Variants in PTCHD4 observed in about 807,000 individuals in gnomAD.
PTCHD4 encodes the protein patched domain-containing protein 4.
PTCHD4 carries 33 observed loss-of-function variants against 58.1 expected under a neutral mutation model. The ratio of observed to expected loss-of-function variants is 0.57; its 90% CI spans 0.43 to 0.76. The LOEUF (loss-of-function observed/expected upper bound fraction) is 0.76, where lower values mean the gene tolerates loss of function less well. Among genes scored for constraint, PTCHD4 ranks in the 30% least tolerant of loss-of-function variants. PTCHD4 has a pLI of 0.00. For missense variants in PTCHD4, 1,058 were observed against 1,027.1 expected (o/e 1.03, Z -0.41); for synonymous variants, 478 against 409.6 (o/e 1.17, Z -2.02).
At position 47,944,886 on chromosome 6, in the gene PTCHD4, T is replaced by C. The variant is rs559257035; in HGVS notation, c.898+63748A>G. On this transcript the variant is annotated intron_variant, in intron 4 of 4. Coordinates refer to ENST00000339488, the MANE Select transcript of PTCHD4 (RefSeq NM_001384253.1). ...TAGGTGAAGAGAAGCACTGAGAAATTATAATAAAGTATGATATGCTAATGG... is the reference window on the plus strand; with the variant it reads ...TAGGTGAAGAGAAGCACTGAGAAATCATAATAAAGTATGATATGCTAATGG... 8.6e-4 allele frequency among the ~76,000 whole-genome samples: 131 copies of C among 152,188 alleles called. 1 individual carries two copies. Among genetic ancestry groups the C allele is most frequent in the Non-Finnish European group, 1.5e-3 (104 of 67,978 alleles).
chr6:48,105,243 A>C (rs1159446419), intron 1 of PTCHD4, among the ~76,000 whole-genome samples: 1 of 151,864 alleles, frequency 6.6e-6, no homozygotes, highest in Admixed American at 6.6e-5. Context: ...AGAAATTATG[A>C]CAAACTGTCT....
At chr6:47,942,629 C>A (rs1007856159) in intron 4 of PTCHD4, among the ~76,000 whole-genome samples, 2 of 152,054 alleles carry the variant, frequency 1.3e-5, no homozygotes, top group Non-Finnish European at 2.9e-5. Flanking sequence ...AGAGCAAGAC[C>A]CTGTCTCAAA....
At chr6:47,973,870 A>G (rs1034818962) in intron 4 of PTCHD4, among the ~76,000 whole-genome samples, 1 of 152,126 alleles carries the variant, frequency 6.6e-6, no homozygotes, top group Non-Finnish European at 1.5e-5. Flanking sequence ...TTATTAATCA[A>G]TTACTTTGGG....
chr6:48,088,987 T>A (rs1342234189), intron 1 of PTCHD4, among the ~76,000 whole-genome samples: 3 of 152,008 alleles, frequency 2.0e-5, no homozygotes, highest in Non-Finnish European at 2.9e-5. Flanking sequence ...GGAGGTTGCA[T>A]TGAGCCAAAA....
In PTCHD4 at chr6:47,869,658, C is replaced by G. The variant is rs373645453; in HGVS notation, c.*8645G>C. The stretch of plus-strand genomic sequence containing the variant: ...GCTTCAGAATGCTTTATCTTAACCA[C>G]GGAGAGATAATTGATATATATCATC... On this transcript the variant is annotated 3_prime_UTR_variant, in exon 5 of 5. Coordinates refer to ENST00000339488, the MANE Select transcript of PTCHD4 (RefSeq NM_001384253.1). 1.3e-5 allele frequency among the ~76,000 whole-genome samples: 2 copies of G among 151,324 alleles called. No individual in the cohort carries two copies. Among genetic ancestry groups the G allele is most frequent in the Non-Finnish European group, 3.0e-5 (2 of 67,720 alleles).
chr6:47,912,510 T>C (rs952370380), intron 4 of PTCHD4, among the ~76,000 whole-genome samples: 1 of 152,174 alleles, frequency 6.6e-6, no homozygotes, highest in African/African-American at 2.4e-5. Flanking sequence ...TACTTTTTAA[T>C]GCTCTCCTCT....
intron 4 of PTCHD4, among the ~76,000 whole-genome samples, chr6:47,963,156 T>G (rs111766314): frequency 6.7e-6 from 1 of 149,848 alleles, no homozygotes. Context: ...AATAAATAAA[T>G]AAAAAAGAAA....
chr6:47,917,419 T>A (rs1350744567), intron 4 of PTCHD4, among the ~76,000 whole-genome samples: 2 of 152,144 alleles, frequency 1.3e-5, no homozygotes, highest in Non-Finnish European at 2.9e-5. Context: ...AAATGGACAA[T>A]GGCTCTCACA....
At chr6:48,023,237 A>AT (rs1374530656) in intron 3 of PTCHD4, among the ~76,000 whole-genome samples, 1 of 152,164 alleles carries the variant, frequency 6.6e-6, no homozygotes, top group Non-Finnish European at 1.5e-5. Flanking sequence ...AAAAACATTT[A>AT]TTTATCATAT....
rs1354589572 is a variant in PTCHD4, at chr6:47,875,626, G to A, written c.*2677C>T. The stretch of plus-strand genomic sequence containing the variant: ...AATGCCCTCTAGTCACTCGAACAAT[G>A]AGAAATTCATATTTATCTTAGACAC... On this transcript the variant is annotated 3_prime_UTR_variant, in exon 5 of 5. Transcript: ENST00000339488. Among the ~76,000 whole-genome samples the A allele has an allele frequency of 6.6e-6, 1 of 151,774 alleles. No individual in the cohort carries two copies. Among genetic ancestry groups the A allele is most frequent in the Non-Finnish European group, 1.5e-5 (1 of 67,852 alleles).
At chr6:47,884,731 C>T (rs891362054) in intron 4 of PTCHD4, among the ~76,000 whole-genome samples, 1 of 152,142 alleles carries the variant, frequency 6.6e-6, no homozygotes, top group African/African-American at 2.4e-5. Flanking sequence ...ATGCAGTTAC[C>T]TAATATATAA....
Position 47,877,349 on chromosome 6 carries a change from T to A in PTCHD4, c.*954A>T, listed in dbSNP as rs1763873649. On this transcript the variant is annotated 3_prime_UTR_variant, in exon 5 of 5. Transcript: ENST00000339488. ...TGTATGGATAATCTGTGTAAAGCGC[T>A]CATTTGCAATTGGGTGAGCTCACTG... Among the ~76,000 whole-genome samples, 1 of 152,070 alleles carries A rather than the reference T, an allele frequency of 6.6e-6. No homozygotes were observed. The highest frequency in any genetic ancestry group is 6.6e-5 in the Admixed American group (1 of 15,254).
intron 1 of PTCHD4, among the ~76,000 whole-genome samples, chr6:48,103,841 A>C (rs1248266593): frequency 6.6e-6 from 1 of 152,250 alleles, no homozygotes; most frequent in Non-Finnish European, 1.5e-5. Context: ...AACTGGAAGA[A>C]AGGGTATCAG....
rs527325634 is a variant in PTCHD4, at chr6:48,041,642, G to A, written c.417+26588C>T. On this transcript the variant is annotated intron_variant, in intron 3 of 4. Transcript: ENST00000339488. ...AAAGATGTTATTGAGATTATTGTCC[G>A]GTATGTCAACTCTTCAAGATTCAGC... 2.9e-3 allele frequency among the ~76,000 whole-genome samples: 438 copies of A among 152,022 alleles called. 3 individuals are homozygous for A. Among genetic ancestry groups the A allele is most frequent in the African/African-American group, 9.9e-3 (413 of 41,514 alleles).
At chr6:48,092,934 T>C (rs1765395903) in intron 1 of PTCHD4, among the ~76,000 whole-genome samples, 1 of 152,172 alleles carries the variant, frequency 6.6e-6, no homozygotes, top group Non-Finnish European at 1.5e-5. Flanking sequence ...ATGTCTGTGC[T>C]CTCCACTCAC....
chr6:48,056,828 C>G (rs74688342), intron 3 of PTCHD4, among the ~76,000 whole-genome samples: 1,692 of 152,288 alleles, frequency 0.011, 18 homozygotes, highest in Non-Finnish European at 0.017. Flanking sequence ...ACTGCAAGCA[C>G]TGGTGACCAT....
At chr6:48,011,551 T>G (rs145966023) in intron 3 of PTCHD4, among the ~76,000 whole-genome samples, 5,945 of 152,320 alleles carry the variant, frequency 0.039, 144 homozygotes, top group Admixed American at 0.069. Flanking sequence ...TAGTTTCTTT[T>G]GCTGTGCAGA....
intron 4 of PTCHD4, among the ~76,000 whole-genome samples, chr6:47,886,504 T>C (rs1311044162): frequency 6.6e-6 from 1 of 152,158 alleles, no homozygotes; most frequent in Non-Finnish European, 1.5e-5. Context: ...TACTCCTTTT[T>C]ATGACCTGTT....
intron 4 of PTCHD4, among the ~76,000 whole-genome samples, chr6:47,891,703 A>G (rs1044937581): frequency 3.3e-5 from 5 of 152,172 alleles, no homozygotes; most frequent in Non-Finnish European, 5.9e-5. Context: ...CAACAGTCAT[A>G]TAAGTCCATT....
Sources: allele counts gnomAD v4.1 joint callset (sites outside exome capture counted in the v4.1 genomes callset), GRCh38; gene constraint gnomAD v4.1.1; transcripts MANE v1.5; gene names NCBI Gene and HGNC (gene_info 2026-07-23, HGNC 2026-07-21).